The following CADPS2 variants were observed in gnomAD, a reference collection of about 807,000 sequenced individuals.
CADPS2 encodes calcium-dependent secretion activator 2.
CADPS2 carries 93 observed loss-of-function variants against 172.5 expected under a neutral mutation model. That is an observed-to-expected ratio of 0.54 (90% CI 0.46 to 0.64). The LOEUF is 0.64. Among genes scored for constraint, CADPS2 ranks in the 30% least tolerant of loss-of-function variants. The pLI is 0.00. For missense variants in CADPS2, 1,420 were observed against 1,565.9 expected (o/e 0.91, Z 1.57); for synonymous variants, 546 against 555.2 (o/e 0.98, Z 0.23).
At chr7:122,423,259 C>T (rs1326191132) in intron 17 of CADPS2, among the ~76,000 whole-genome samples, 1 of 152,066 alleles carries the variant, frequency 6.6e-6, no homozygotes, top group African/African-American at 2.4e-5. Context: ...CATCTCAATA[C>T]TTATAGGCTT....
intron 6 of CADPS2, among the ~76,000 whole-genome samples, chr7:122,591,566 A>G (rs996151962): frequency 6.6e-6 from 1 of 152,172 alleles, no homozygotes; most frequent in Non-Finnish European, 1.5e-5. Flanking sequence ...TGGAGGCATC[A>G]TGCTACCTGA....
intron 6 of CADPS2, among the ~76,000 whole-genome samples, chr7:122,586,683 T>A (rs551246290): frequency 6.6e-6 from 1 of 152,112 alleles, no homozygotes; most frequent in South Asian, 2.1e-4. Flanking sequence ...GGTGTCTCTG[T>A]TAAACTCTGT....
At chr7:122,794,841 G>A (rs555879287) in intron 1 of CADPS2, among the ~76,000 whole-genome samples, 23 of 151,804 alleles carry the variant, frequency 1.5e-4, no homozygotes, top group African/African-American at 5.1e-4. Flanking sequence ...CAATTAGATG[G>A]AAATTGAATC....
intron 3 of CADPS2, 44 bp downstream of exon 3, chr7:122,663,193 C>G (rs753226490): frequency 3.5e-5 from 47 of 1,359,544 alleles, no homozygotes; most frequent in Non-Finnish European, 4.5e-5. Context: ...CATGTTCATT[C>G]CACGAGTCAG....
At chr7:122,381,684 C>T (rs957178152) in intron 24 of CADPS2, among the ~76,000 whole-genome samples, 1 of 152,054 alleles carries the variant, frequency 6.6e-6, no homozygotes. Context: ...CTATAATACA[C>T]TCCCGTAGAT....
intron 1 of CADPS2, among the ~76,000 whole-genome samples, chr7:122,777,924 A>G (rs2093935386): frequency 6.6e-6 from 1 of 152,188 alleles, no homozygotes; most frequent in South Asian, 2.1e-4. Flanking sequence ...CTATAACGAT[A>G]CGCAAAAATG....
chr7:122,476,092 A>C (rs973070689), intron 12 of CADPS2, among the ~76,000 whole-genome samples: 2 of 152,114 alleles, frequency 1.3e-5, no homozygotes, highest in African/African-American at 4.8e-5. Flanking sequence ...CAAATCACAC[A>C]TTTTATAAAA....
intron 14 of CADPS2, among the ~76,000 whole-genome samples, chr7:122,469,850 C>T (rs1342928822): frequency 1.3e-5 from 2 of 149,038 alleles, no homozygotes; most frequent in African/African-American, 2.5e-5. Flanking sequence ...TGCACGTACA[C>T]ACATCTAGCA....
intron 2 of CADPS2, among the ~76,000 whole-genome samples, chr7:122,689,262 G>C (rs2084019089): frequency 6.6e-6 from 1 of 152,120 alleles, no homozygotes; most frequent in Non-Finnish European, 1.5e-5. Flanking sequence ...ATGTTCTGGT[G>C]GTTGTCAGGG....
intron 7 of CADPS2, among the ~76,000 whole-genome samples, chr7:122,580,220 T>G (rs1371976661): frequency 6.6e-6 from 1 of 152,014 alleles, no homozygotes. Flanking sequence ...TTTGGGAGGC[T>G]GAAGCGAGTG....
At chr7:122,538,674 G>A (rs1586978808) in intron 8 of CADPS2, among the ~76,000 whole-genome samples, 1 of 74,586 alleles carries the variant, frequency 1.3e-5, no homozygotes, top group African/African-American at 6.2e-5. Context: ...TAAGGAGATA[G>A]GAAAGTACAC....
At position 122,405,405 on chromosome 7, in the gene CADPS2, G is replaced by A. The variant is rs141044176; in HGVS notation, c.2746+2135C>T. ...GGGCCAGGTGCAGTGGCTCACATGT[G>A]TAATCCCAGCACTTTGGGAGGCTGA... is the stretch of plus-strand genomic sequence containing the variant. On this transcript the variant is annotated intron_variant, in intron 20 of 29. Transcript: ENST00000449022. Among the ~76,000 whole-genome samples, 93 of 152,308 alleles carry A rather than the reference G, an allele frequency of 6.1e-4. 1 individual carries two copies. Among genetic ancestry groups the A allele is most frequent in the African/African-American group, 2.1e-3 (89 of 41,572 alleles).
chr7:122,557,540 G>T (rs534147181), intron 7 of CADPS2, among the ~76,000 whole-genome samples: 2 of 152,138 alleles, frequency 1.3e-5, no homozygotes, highest in Non-Finnish European at 2.9e-5. Flanking sequence ...GGCAGAATGG[G>T]GAGGGAAGAT....
chr7:122,731,242 AT>A (rs1008442768), intron 2 of CADPS2, among the ~76,000 whole-genome samples: 374 of 149,648 alleles, frequency 2.5e-3, no homozygotes, highest in Middle Eastern at 6.9e-3. Context: ...CAAGTCACAA[AT>A]TTTTTTTTTT....
At chr7:122,622,276 T>G (rs2075678930) in intron 4 of CADPS2, among the ~76,000 whole-genome samples, 1 of 152,192 alleles carries the variant, frequency 6.6e-6, no homozygotes, top group Non-Finnish European at 1.5e-5. Flanking sequence ...CACATTACAT[T>G]AATGTGCCAA....
rs572530313 is a variant in CADPS2 at position 122,794,774 on chromosome 7, C to T, written c.340-57706G>A. 3.3e-5 allele frequency among the ~76,000 whole-genome samples: 5 copies of T among 151,258 alleles called. No individual in the cohort carries two copies. In the South Asian group the frequency reaches 6.3e-4, roughly 19 times the overall value. On this transcript the variant is annotated intron_variant, in intron 1 of 29. Transcript: ENST00000449022. ...TTTTAAAAAAAAAAAAAAACCCTTT[C>T]TGACAACAGCATAATCAAATTGGAA...
At chr7:122,535,855 C>T (rs761155752) in intron 8 of CADPS2, among the ~76,000 whole-genome samples, 8 of 152,016 alleles carry the variant, frequency 5.3e-5, no homozygotes, top group Non-Finnish European at 1.2e-4. Context: ...CTTACTCTCA[C>T]GTTTTCCAAT....
At chr7:122,441,269 T>C (rs1297961167) in intron 16 of CADPS2, among the ~76,000 whole-genome samples, 1 of 152,126 alleles carries the variant, frequency 6.6e-6, no homozygotes, top group Non-Finnish European at 1.5e-5. Context: ...GAAAAATGAT[T>C]ACTACCAAAA....
intron 20 of CADPS2, among the ~76,000 whole-genome samples, chr7:122,393,961 C>T (rs1431145648): frequency 6.6e-6 from 1 of 152,156 alleles, no homozygotes; most frequent in African/African-American, 2.4e-5. Flanking sequence ...GAGTTACAAT[C>T]TCTGTGCTAT....
Sources: allele counts gnomAD v4.1 joint callset (sites outside exome capture counted in the v4.1 genomes callset), GRCh38; gene constraint gnomAD v4.1.1; transcripts MANE v1.5; gene names NCBI Gene and HGNC (gene_info 2026-07-23, HGNC 2026-07-21).